GRHL2: variants seen among roughly 807,000 people sequenced by gnomAD.
GRHL2 encodes grainyhead-like protein 2 homolog.
Under a neutral mutation model 83.8 loss-of-function variants are expected in GRHL2, and 21 were observed. That is an observed-to-expected ratio of 0.25 (90% CI 0.18 to 0.36). GRHL2 has a LOEUF of 0.36. GRHL2 is among the 10% of genes least tolerant of loss of function. GRHL2 has a pLI of 1.00. For synonymous variants in GRHL2, 280 were observed against 278.9 expected, an observed-to-expected ratio of 1.00 and a Z score of -0.04; for missense variants, 623 against 781.8, an observed-to-expected ratio of 0.80 and a Z score of 2.42.
At chr8:101,665,746 T>C (rs1472597913) in intron 15 of GRHL2, among the ~76,000 whole-genome samples, 1 of 152,214 alleles carries the variant, frequency 6.6e-6, no homozygotes, top group African/African-American at 2.4e-5. Flanking sequence ...TACAGGAGGA[T>C]AAACTGAGGC....
intron 1 of GRHL2, among the ~76,000 whole-genome samples, chr8:101,532,370 C>T (rs1189146769): frequency 6.6e-6 from 1 of 152,136 alleles, no homozygotes; most frequent in Non-Finnish European, 1.5e-5. Flanking sequence ...GAAGTGATTA[C>T]TTAAGTCAGT....
At chr8:101,585,955 G>T (rs1325235986) in intron 7 of GRHL2, among the ~76,000 whole-genome samples, 2 of 151,772 alleles carry the variant, frequency 1.3e-5, no homozygotes, top group Non-Finnish European at 2.9e-5. Context: ...GCTCCCTCTG[G>T]TTCCCTCCAG....
At chr8:101,677,268 C>A in the GRHL2 span, among the ~76,000 whole-genome samples, 1 of 151,782 alleles carries the variant, frequency 6.6e-6, no homozygotes, top group Non-Finnish European at 1.5e-5. Flanking sequence ...CCTGCTTGAT[C>A]CCTGGCAGCA....
At chr8:101,677,480 C>G in the GRHL2 span, among the ~76,000 whole-genome samples, 3 of 151,090 alleles carry the variant, frequency 2.0e-5, no homozygotes, top group African/African-American at 7.3e-5. Flanking sequence ...TCGGCTGCCA[C>G]TAAACACTGA....
At chr8:101,526,254 A>G (rs1458509477) in intron 1 of GRHL2, among the ~76,000 whole-genome samples, 1 of 152,222 alleles carries the variant, frequency 6.6e-6, no homozygotes, top group Non-Finnish European at 1.5e-5. Context: ...GCAATGTGGA[A>G]ACTGAAATCA....
At chr8:101,531,038 C>A (rs376708655) in intron 1 of GRHL2, among the ~76,000 whole-genome samples, 56 of 152,068 alleles carry the variant, frequency 3.7e-4, no homozygotes, top group African/African-American at 1.3e-3. Context: ...CAAGACCAGC[C>A]TGGGCAATGT....
intron 2 of GRHL2, chr8:101,543,704 T>C: frequency 2.2e-6 from 1 of 464,270 alleles, no homozygotes; most frequent in Non-Finnish European, 4.0e-6. Context: ...TGCATATTAT[T>C]CTTACCATAT....
Position 101,667,902 on chromosome 8 carries a change from G to C in GRHL2, c.*1199G>C, listed in dbSNP as rs1192424347. ...TCTCAAGTGGCCCTTTAAAAGGCCT[G>C]CTGCCATGTGAGAGCTGTGAACAGC... On this transcript the variant is annotated 3_prime_UTR_variant, in exon 16 of 16. Coordinates refer to ENST00000646743, the MANE Select transcript of GRHL2 (RefSeq NM_024915.4). The C allele has an allele frequency of 6.5e-6, 1 of 152,784 alleles. No homozygotes were observed. Among genetic ancestry groups the C allele is most frequent in the African/African-American group, 2.4e-5 (1 of 41,464 alleles). The allele number at this position is 152,784 out of a possible 1,614,324, so 9.5% of individuals were successfully genotyped here.
At chr8:101,512,313 T>C (rs1163632272) in intron 1 of GRHL2, among the ~76,000 whole-genome samples, 2 of 152,218 alleles carry the variant, frequency 1.3e-5, no homozygotes, top group African/African-American at 4.8e-5. Context: ...CAAATACGTT[T>C]TGCTCTATTT....
chr8:101,678,802 C>A, the GRHL2 span, among the ~76,000 whole-genome samples: 44 of 152,046 alleles, frequency 2.9e-4, no homozygotes, highest in Admixed American at 2.4e-3. Flanking sequence ...GAGGCACCCC[C>A]CAGCAGGGGC....
intron 7 of GRHL2, among the ~76,000 whole-genome samples, chr8:101,597,611 A>G (rs944863004): frequency 1.4e-5 from 2 of 145,758 alleles, no homozygotes; most frequent in African/African-American, 5.0e-5. Flanking sequence ...GTTCTCACTC[A>G]TAGGTGGGAA....
chr8:101,677,284 C>G, the GRHL2 span, among the ~76,000 whole-genome samples: 1 of 151,732 alleles, frequency 6.6e-6, no homozygotes, highest in South Asian at 2.1e-4. Flanking sequence ...CAGCAAACAC[C>G]CCTCATAGAC....
At chr8:101,519,537 C>T (rs946041344) in intron 1 of GRHL2, among the ~76,000 whole-genome samples, 1 of 150,000 alleles carries the variant, frequency 6.7e-6, no homozygotes, top group Non-Finnish European at 1.5e-5. Flanking sequence ...GCTGGGATTA[C>T]AGGTGTGCCA....
chr8:101,605,965 C>A (rs960975901), intron 8 of GRHL2, among the ~76,000 whole-genome samples: 4 of 152,184 alleles, frequency 2.6e-5, no homozygotes, highest in Admixed American at 1.3e-4. Context: ...TCTCTGCACA[C>A]CTTTCTTTAG....
the GRHL2 span, among the ~76,000 whole-genome samples, chr8:101,675,756 A>T: frequency 6.6e-6 from 1 of 152,168 alleles, no homozygotes; most frequent in African/African-American, 2.4e-5. Context: ...TGCCAAGTCA[A>T]TCCTAAGCCG....
intron 1 of GRHL2, among the ~76,000 whole-genome samples, chr8:101,507,098 T>C (rs1451029390): frequency 2.6e-5 from 4 of 152,190 alleles, no homozygotes; most frequent in Non-Finnish European, 5.9e-5. Context: ...CAGAGGCCTG[T>C]TCTTATTTTT....
Position 101,536,367 on chromosome 8 carries a change from A to G in GRHL2, c.21-6874A>G, listed in dbSNP as rs186145532. ...ATGAAGAGATAAGACTGGAGCTGTAATAATAAATACGGTGATTGACTTCAT... is the reference window on the plus strand; with the variant it reads ...ATGAAGAGATAAGACTGGAGCTGTAGTAATAAATACGGTGATTGACTTCAT... On this transcript the variant is annotated intron_variant, in intron 1 of 15. Transcript: ENST00000646743. Among the ~76,000 whole-genome samples the G allele has an allele frequency of 6.6e-5, 10 of 152,246 alleles. No individual in the cohort carries two copies. The East Asian group carries it at 1.7e-3, about 26-fold the overall frequency.
At chr8:101,541,559 T>C (rs1456818798) in intron 1 of GRHL2, among the ~76,000 whole-genome samples, 1 of 152,074 alleles carries the variant, frequency 6.6e-6, no homozygotes, top group Non-Finnish European at 1.5e-5. Context: ...TTTCTATTGA[T>C]TGATGTTGGT....
chr8:101,525,186 G>C (rs1337255147), intron 1 of GRHL2, among the ~76,000 whole-genome samples: 2 of 152,072 alleles, frequency 1.3e-5, no homozygotes, highest in Non-Finnish European at 2.9e-5. Flanking sequence ...CAGGTGATCT[G>C]CCTGCCTTGG....
Sources: allele counts gnomAD v4.1 joint callset (sites outside exome capture counted in the v4.1 genomes callset), GRCh38; gene constraint gnomAD v4.1.1; transcripts MANE v1.5; gene names NCBI Gene and HGNC (gene_info 2026-07-23, HGNC 2026-07-21).